Variants in CAMK1D observed in about 807,000 individuals in gnomAD.
CAMK1D encodes calcium/calmodulin dependent protein kinase ID.
A neutral mutation model predicts 47.7 loss-of-function variants in CAMK1D; 9 were observed. The ratio of observed to expected loss-of-function variants is 0.19; its 90% confidence interval spans 0.11 to 0.33. The LOEUF is 0.33. CAMK1D is among the 10% of genes least tolerant of loss of function. CAMK1D has a pLI of 1.00. For missense variants in CAMK1D, 291 were observed against 488.7 expected, an observed-to-expected ratio of 0.60 and a Z score of 3.81; for synonymous variants, 184 against 184.9, an observed-to-expected ratio of 0.99 and a Z score of 0.04.
intron 1 of CAMK1D, among the ~76,000 whole-genome samples, chr10:12,393,532 C>G (rs536125949): frequency 6.6e-6 from 1 of 152,286 alleles, no homozygotes; most frequent in Admixed American, 6.5e-5. Flanking sequence ...TGGGGTCAGA[C>G]ATTTTAATTT....
At chr10:12,761,222 C>A in intron 4 of CAMK1D, 136 bp downstream of exon 4, 1 of 1,048,790 alleles carries the variant, frequency 9.5e-7, no homozygotes. Flanking sequence ...CATTTGTGTA[C>A]TTTGAGTTGT....
intron 3 of CAMK1D, among the ~76,000 whole-genome samples, chr10:12,678,781 A>G (rs1840894786): frequency 1.3e-5 from 2 of 151,978 alleles, no homozygotes; most frequent in South Asian, 2.1e-4. Flanking sequence ...TTTTAATCCA[A>G]TAATTTTTTT....
intron 4 of CAMK1D, among the ~76,000 whole-genome samples, chr10:12,767,926 G>A (rs1306579481): frequency 2.0e-5 from 3 of 152,200 alleles, no homozygotes; most frequent in South Asian, 2.1e-4. Flanking sequence ...AGGCTGGAGT[G>A]CAATGGCGCG....
rs182508761 is a variant in CAMK1D, at chr10:12,685,037, C to T, written c.299+18227C>T. ...AACAACAGCCATTACTGGCTGGGCGCGGTGGCTCACGCCAACACTTTGGGA... is the reference window on the plus strand; with the variant it reads ...AACAACAGCCATTACTGGCTGGGCGTGGTGGCTCACGCCAACACTTTGGGA... On this transcript the variant is annotated intron_variant, in intron 3 of 10. Coordinates refer to ENST00000619168, the MANE Select transcript of CAMK1D (RefSeq NM_153498.4). 4.0e-3 allele frequency among the ~76,000 whole-genome samples: 606 copies of T among 152,158 alleles called. 8 individuals carry two copies. The highest frequency in any genetic ancestry group is 0.014 in the African/African-American group (568 of 41,450).
chr10:12,492,340 C>T (rs1386995617), intron 1 of CAMK1D, among the ~76,000 whole-genome samples: 1 of 136,708 alleles, frequency 7.3e-6, no homozygotes, highest in African/African-American at 2.7e-5. Flanking sequence ...GGAGTAACAC[C>T]TCATCTCAAA....
intron 2 of CAMK1D, among the ~76,000 whole-genome samples, chr10:12,641,839 G>C (rs1329130608): frequency 6.6e-6 from 1 of 151,436 alleles, no homozygotes; most frequent in African/African-American, 2.4e-5. Context: ...GAGGCCAGGG[G>C]TTTGAGACCA....
In CAMK1D at chr10:12,806,002, C is replaced by T. The variant is rs182522659; in HGVS notation, c.642-8193C>T. Among the ~76,000 whole-genome samples, 458 of 152,278 alleles carry T rather than the reference C, an allele frequency of 3.0e-3. 1 individual carries two copies. The highest frequency in any genetic ancestry group is 0.01 in the African/African-American group (424 of 41,558). ...GGAGAACACCAAGGTGGGGGCCTGC[C>T]CTGGCCGGGTGGGATCAAGAAAGAC... On this transcript the variant is annotated intron_variant, in intron 6 of 10. Transcript: ENST00000619168.
intron 2 of CAMK1D, among the ~76,000 whole-genome samples, chr10:12,638,864 C>G (rs1245693247): frequency 4.6e-5 from 7 of 152,176 alleles, no homozygotes; most frequent in Non-Finnish European, 1.0e-4. Flanking sequence ...GGTGGAAAGG[C>G]GTTCACCTCC....
chr10:12,657,278 A>G (rs1367016241), intron 2 of CAMK1D, among the ~76,000 whole-genome samples: 1 of 152,046 alleles, frequency 6.6e-6, no homozygotes, highest in East Asian at 1.9e-4. Flanking sequence ...TACAAAAATT[A>G]GCTGAGTGTG....
intron 1 of CAMK1D, among the ~76,000 whole-genome samples, chr10:12,427,700 G>GTTTTTTTTTTTGT (rs1840286392): frequency 3.2e-5 from 1 of 31,030 alleles, no homozygotes; most frequent in Admixed American, 5.0e-4. Context: ...TGAACTTACT[G>GTTTTTTTTTTTGT]TTTTTTTTTT....
At chr10:12,569,722 C>CAAAAAAAAAA (rs56335336) in intron 2 of CAMK1D, among the ~76,000 whole-genome samples, 1 of 71,470 alleles carries the variant, frequency 1.4e-5, no homozygotes, top group Non-Finnish European at 2.5e-5. Flanking sequence ...GACTCCGTCT[C>CAAAAAAAAAA]AAAAAAAAAA....
intron 8 of CAMK1D, among the ~76,000 whole-genome samples, chr10:12,817,845 G>A (rs1757055): frequency 0.36 from 55,361 of 151,886 alleles, 10,494 homozygotes; most frequent in East Asian, 0.45. Context: ...GCACCACCAT[G>A]CCCAGCTAAT....
At chr10:12,786,734 C>T in intron 5 of CAMK1D, among the ~76,000 whole-genome samples, 1 of 152,170 alleles carries the variant, frequency 6.6e-6, no homozygotes, top group East Asian at 1.9e-4. Flanking sequence ...GGAACCTTTT[C>T]TTAACCATAT....
intron 1 of CAMK1D, among the ~76,000 whole-genome samples, chr10:12,536,636 A>G (rs1172835006): frequency 6.6e-6 from 1 of 152,150 alleles, no homozygotes; most frequent in African/African-American, 2.4e-5. Flanking sequence ...TTACTCGAAG[A>G]GGGGGGTGTA....
intron 1 of CAMK1D, among the ~76,000 whole-genome samples, chr10:12,389,073 C>G (rs187076859): frequency 6.6e-6 from 1 of 152,278 alleles, no homozygotes; most frequent in East Asian, 1.9e-4. Context: ...GAGGAAGAGG[C>G]GAGATGGGTC....
chr10:12,629,929 G>A (rs1193972974), intron 2 of CAMK1D, among the ~76,000 whole-genome samples: 1 of 152,234 alleles, frequency 6.6e-6, no homozygotes, highest in Non-Finnish European at 1.5e-5. Flanking sequence ...GTTCAGTCCA[G>A]TGATGTATAC....
chr10:12,402,949 G>A (rs1032217160), intron 1 of CAMK1D, among the ~76,000 whole-genome samples: 16 of 152,076 alleles, frequency 1.1e-4, no homozygotes, highest in African/African-American at 3.6e-4. Flanking sequence ...GCTCTCCAGG[G>A]CTAGAATAAG....
intron 2 of CAMK1D, among the ~76,000 whole-genome samples, chr10:12,598,154 C>A (rs1838198615): frequency 6.6e-6 from 1 of 152,220 alleles, no homozygotes; most frequent in African/African-American, 2.4e-5. Flanking sequence ...CCTTGATTTT[C>A]AGTGTTGCCA....
At chr10:12,594,006 A>G (rs1217742681) in intron 2 of CAMK1D, among the ~76,000 whole-genome samples, 4 of 152,134 alleles carry the variant, frequency 2.6e-5, no homozygotes, top group Non-Finnish European at 4.4e-5. Context: ...GTGAAACCCC[A>G]TCTCTACTAA....
Sources: allele counts gnomAD v4.1 joint callset (sites outside exome capture counted in the v4.1 genomes callset), GRCh38; gene constraint gnomAD v4.1.1; transcripts MANE v1.5; gene names NCBI Gene and HGNC (gene_info 2026-07-23, HGNC 2026-07-21).